The following RIMS2 variants were observed in gnomAD, a reference collection of about 807,000 sequenced individuals.
The protein encoded by RIMS2 is regulating synaptic membrane exocytosis 2.
Under a neutral mutation model 174.4 loss-of-function variants are expected in RIMS2, and 59 were observed. That is an observed-to-expected ratio of 0.34 (90% CI 0.27 to 0.42). The LOEUF (loss-of-function observed/expected upper bound fraction) is 0.42, where lower values mean the gene tolerates loss of function less well. Among genes scored for constraint, RIMS2 ranks in the 10% least tolerant of loss-of-function variants. RIMS2 has a pLI of 1.00. For missense variants in RIMS2, 1,620 were observed against 1,666.3 expected (o/e 0.97, Z 0.48); for synonymous variants, 606 against 572.5 (o/e 1.06, Z -0.84).
At chr8:104,150,489 G>T (rs895823980) in intron 19 of RIMS2, among the ~76,000 whole-genome samples, 1 of 152,134 alleles carries the variant, frequency 6.6e-6, no homozygotes, top group Non-Finnish European at 1.5e-5. Flanking sequence ...ATGCTCAGAG[G>T]AAGGCCACTT....
At chr8:103,738,751 T>G (rs1432667161) in intron 2 of RIMS2, among the ~76,000 whole-genome samples, 10 of 152,040 alleles carry the variant, frequency 6.6e-5, no homozygotes, top group Non-Finnish European at 1.2e-4. Flanking sequence ...AAGAAGACAT[T>G]TATGCAGCCA....
intron 19 of RIMS2, among the ~76,000 whole-genome samples, chr8:104,096,817 G>A (rs549575208): frequency 2.7e-5 from 4 of 150,660 alleles, no homozygotes; most frequent in Admixed American, 2.7e-4. Flanking sequence ...GCAGTGAGCC[G>A]AGATCATGCC....
intron 3 of RIMS2, among the ~76,000 whole-genome samples, chr8:103,785,098 G>T (rs1322677420): frequency 1.4e-5 from 2 of 142,162 alleles, no homozygotes; most frequent in East Asian, 4.0e-4. Flanking sequence ...AAGAATGCTT[G>T]TGATTTTTGT....
intron 19 of RIMS2, among the ~76,000 whole-genome samples, chr8:104,191,154 C>G (rs149999023): frequency 1.3e-5 from 2 of 152,060 alleles, no homozygotes; most frequent in East Asian, 1.9e-4. Context: ...TTATTGCAAG[C>G]TGTCAGTTGA....
intron 2 of RIMS2, among the ~76,000 whole-genome samples, chr8:103,762,286 C>T (rs2098120999): frequency 6.6e-6 from 1 of 151,576 alleles, no homozygotes; most frequent in African/African-American, 2.4e-5. Context: ...AATTTTGAAC[C>T]CTGTATGTTT....
intron 19 of RIMS2, among the ~76,000 whole-genome samples, chr8:104,210,651 TC>T (rs1312432876): frequency 2.0e-5 from 3 of 152,318 alleles, no homozygotes; most frequent in Non-Finnish European, 4.4e-5. Flanking sequence ...AGAAGGCACA[TC>T]CGTGTTTGCC....
At chr8:104,110,808 C>T (rs13279907) in intron 19 of RIMS2, among the ~76,000 whole-genome samples, 2 of 152,106 alleles carry the variant, frequency 1.3e-5, no homozygotes, top group Admixed American at 1.3e-4. Context: ...TTCTCATCAA[C>T]ATTCACAGCA....
At chr8:103,751,313 A>C (rs1349058422) in intron 2 of RIMS2, among the ~76,000 whole-genome samples, 1 of 151,912 alleles carries the variant, frequency 6.6e-6, no homozygotes, top group Non-Finnish European at 1.5e-5. Context: ...TCCATGGTGT[A>C]TATGTGCCAC....
At chr8:103,972,720 G>A (rs576260712) in intron 15 of RIMS2, among the ~76,000 whole-genome samples, 15 of 152,120 alleles carry the variant, frequency 9.9e-5, no homozygotes, top group African/African-American at 3.4e-4. Context: ...TATCAGCTTG[G>A]AAAACCATCT....
At chr8:104,245,547 TG>T (rs1423769876) in intron 20 of RIMS2, among the ~76,000 whole-genome samples, 3 of 152,172 alleles carry the variant, frequency 2.0e-5, no homozygotes, top group Non-Finnish European at 4.4e-5. Context: ...CCAAAAAACT[TG>T]GGGAGCCTTT....
intron 3 of RIMS2, among the ~76,000 whole-genome samples, chr8:103,809,880 G>A (rs74352008): frequency 0.066 from 9,980 of 152,164 alleles, 374 homozygotes; most frequent in Non-Finnish European, 0.079. Context: ...AACACAGGTA[G>A]GGTAAAAAAT....
In RIMS2 at chr8:103,644,502, G is replaced by A. The variant is rs561191877; in HGVS notation, c.177-52584G>A. 3.9e-5 allele frequency among the ~76,000 whole-genome samples: 6 copies of A among 152,068 alleles called. No homozygotes were observed. The South Asian group carries it at 6.2e-4, about 16-fold the overall frequency. ...TAGGAGTTCACTGTTAATAATGTTA[G>A]CATATTGTCAGAGAAATAGGTGATG... On this transcript the variant is annotated intron_variant, in intron 1 of 23. Transcript: ENST00000504942.
intron 3 of RIMS2, among the ~76,000 whole-genome samples, chr8:103,788,831 T>C (rs1348561392): frequency 6.6e-6 from 1 of 152,252 alleles, no homozygotes; most frequent in African/African-American, 2.4e-5. Flanking sequence ...TTTGTTTATC[T>C]AAGCAAGCCT....
At chr8:103,752,738 T>C (rs1238973997) in intron 2 of RIMS2, among the ~76,000 whole-genome samples, 2 of 152,158 alleles carry the variant, frequency 1.3e-5, no homozygotes, top group African/African-American at 4.8e-5. Flanking sequence ...TCTGTTTGTC[T>C]CTTATTGGTG....
At chr8:103,586,088 G>T (rs538132538) in intron 1 of RIMS2, among the ~76,000 whole-genome samples, 1 of 152,118 alleles carries the variant, frequency 6.6e-6, no homozygotes, top group Non-Finnish European at 1.5e-5. Flanking sequence ...GGAGCAACCA[G>T]ATATATAAAG....
chr8:104,021,744 C>T (rs1027610652), intron 19 of RIMS2, among the ~76,000 whole-genome samples: 2 of 152,154 alleles, frequency 1.3e-5, no homozygotes, highest in African/African-American at 4.8e-5. Context: ...GTGCAATTAC[C>T]ATGACAGATT....
chr8:103,985,657 A>G (rs1431862714), intron 16 of RIMS2, among the ~76,000 whole-genome samples: 2 of 152,090 alleles, frequency 1.3e-5, no homozygotes, highest in South Asian at 2.1e-4. Flanking sequence ...ATTAAAATTA[A>G]AAAAGATATC....
In RIMS2 at chr8:103,899,616, T is replaced by C. The variant is rs1400366293; in HGVS notation, c.1625-10518T>C. On this transcript the variant is annotated intron_variant, in intron 4 of 23. Coordinates refer to ENST00000504942, the Ensembl canonical transcript of RIMS2. ...TTGAGTTCTTTGTAGATTCTGGATA[T>C]TAGCCCTTTGTCGTATGGGTAGATT... Among the ~76,000 whole-genome samples, 3 of 151,608 alleles carry C rather than the reference T, an allele frequency of 2.0e-5. No homozygotes were observed. In the East Asian group the frequency reaches 5.8e-4, roughly 29 times the overall value.
chr8:104,148,848 G>T, intron 19 of RIMS2: 2 of 1,595,774 alleles, frequency 1.3e-6, no homozygotes, highest in Middle Eastern at 3.3e-4. Flanking sequence ...CAGCCAAACG[G>T]GTAGGAATTT....
Sources: gnomAD v4.1 joint callset for allele counts (sites outside exome capture counted in the v4.1 genomes callset) on GRCh38, gnomAD v4.1.1 for gene constraint, MANE v1.5 for transcripts, NCBI Gene and HGNC (gene_info 2026-07-23, HGNC 2026-07-21) for gene names.